The following GRIK2 variants were observed in gnomAD, a reference collection of about 807,000 sequenced individuals.
GRIK2 encodes glutamate receptor ionotropic, kainate 2.
A neutral mutation model predicts 100.3 loss-of-function variants in GRIK2; 32 were observed. That is an observed-to-expected ratio of 0.32 (90% CI 0.24 to 0.43). GRIK2 has a LOEUF of 0.43. GRIK2 is among the 20% of genes least tolerant of loss of function. GRIK2 has a pLI of 1.00. For synonymous variants in GRIK2, 417 were observed against 389.4 expected (o/e 1.07, Z -0.83); for missense variants, 843 against 1,114.9 (o/e 0.76, Z 3.47).
At chr6:101,513,945 G>A (rs1262706289) in intron 2 of GRIK2, among the ~76,000 whole-genome samples, 1 of 152,026 alleles carries the variant, frequency 6.6e-6, no homozygotes, top group Non-Finnish European at 1.5e-5. Context: ...TGATAAGGTA[G>A]AGATCAACAA....
chr6:101,974,766 G>A (rs1048308087), intron 14 of GRIK2, among the ~76,000 whole-genome samples: 2 of 151,950 alleles, frequency 1.3e-5, no homozygotes, highest in Non-Finnish European at 2.9e-5. Context: ...CTAGATTTGT[G>A]TTTGATTAAA....
intron 12 of GRIK2, among the ~76,000 whole-genome samples, chr6:101,915,998 T>G (rs1256616744): frequency 6.6e-6 from 1 of 151,434 alleles, no homozygotes. Flanking sequence ...TTTAAAGAGA[T>G]AACTTTTTCT....
At chr6:101,981,393 C>T (rs770900809) in intron 14 of GRIK2, among the ~76,000 whole-genome samples, 9 of 151,732 alleles carry the variant, frequency 5.9e-5, no homozygotes, top group Non-Finnish European at 1.2e-4. Flanking sequence ...AGGGATGTGG[C>T]AATTTAAAAG....
chr6:101,888,087 T>C (rs1314918999), intron 11 of GRIK2, among the ~76,000 whole-genome samples: 1 of 152,212 alleles, frequency 6.6e-6, no homozygotes, highest in Non-Finnish European at 1.5e-5. Context: ...TGAAAGACTG[T>C]AATCTATCAA....
intron 2 of GRIK2, among the ~76,000 whole-genome samples, chr6:101,417,221 G>A (rs1776191261): frequency 6.6e-6 from 1 of 152,146 alleles, no homozygotes; most frequent in African/African-American, 2.4e-5. Context: ...GGAAAAACAT[G>A]CCACCATGAT....
At position 102,067,122 on chromosome 6, in the gene GRIK2, G is replaced by A. The variant is rs1308334811; in HGVS notation, c.2563-1225G>A. Among the ~76,000 whole-genome samples, 3 of 151,458 alleles carry A rather than the reference G, an allele frequency of 2.0e-5. No individual in the cohort carries two copies. In the Admixed American group the frequency reaches 2.0e-4, roughly 10 times the overall value. Reference sequence around the variant, plus strand: ...CTGTTATGAAAACAATTTTTTAAATGTATTTTTAAGTTAACATATAAAATT... The same window carrying A: ...CTGTTATGAAAACAATTTTTTAAATATATTTTTAAGTTAACATATAAAATT... On this transcript the variant is annotated intron_variant, in intron 16 of 16. Coordinates refer to ENST00000369134, the MANE Select transcript of GRIK2 (RefSeq NM_021956.5).
intron 2 of GRIK2, among the ~76,000 whole-genome samples, chr6:101,531,394 C>T (rs572757819): frequency 9.4e-4 from 143 of 151,934 alleles, no homozygotes; most frequent in South Asian, 5.2e-3. Context: ...TGATTATAGG[C>T]GCTCAAAATT....
intron 2 of GRIK2, among the ~76,000 whole-genome samples, chr6:101,605,238 T>G (rs1450030798): frequency 6.6e-6 from 1 of 151,982 alleles, no homozygotes; most frequent in Non-Finnish European, 1.5e-5. Flanking sequence ...ACAAGTTACT[T>G]AATTTCTCTG....
intron 7 of GRIK2, among the ~76,000 whole-genome samples, chr6:101,732,790 C>T (rs1775366377): frequency 6.6e-6 from 1 of 152,064 alleles, no homozygotes; most frequent in African/African-American, 2.4e-5. Context: ...CCACCAGCCT[C>T]TGCTTGATCT....
chr6:101,468,568 A>C (rs964586039), intron 2 of GRIK2, among the ~76,000 whole-genome samples: 1 of 152,156 alleles, frequency 6.6e-6, no homozygotes, highest in Non-Finnish European at 1.5e-5. Flanking sequence ...AAGGACTTGT[A>C]AAATGTGGAT....
intron 2 of GRIK2, among the ~76,000 whole-genome samples, chr6:101,467,771 T>C (rs1771725381): frequency 6.6e-6 from 1 of 152,166 alleles, no homozygotes; most frequent in Non-Finnish European, 1.5e-5. Context: ...TACAAACTTA[T>C]GCTACACTTC....
intron 7 of GRIK2, among the ~76,000 whole-genome samples, chr6:101,702,174 C>T (rs1256295265): frequency 6.6e-6 from 1 of 151,942 alleles, no homozygotes; most frequent in Non-Finnish European, 1.5e-5. Context: ...TATGAAAACT[C>T]AAATGACTGC....
At chr6:101,785,158 A>AT (rs902302793) in intron 7 of GRIK2, among the ~76,000 whole-genome samples, 6 of 121,810 alleles carry the variant, frequency 4.9e-5, no homozygotes, top group Admixed American at 9.1e-5. Flanking sequence ...TTATTTATTT[A>AT]TTTTTTTTAC....
rs150107876 is a variant in GRIK2 at position 101,788,600 on chromosome 6, G to A, written c.952-11048G>A. On this transcript the variant is annotated intron_variant, in intron 7 of 16. Coordinates refer to ENST00000369134, the MANE Select transcript of GRIK2 (RefSeq NM_021956.5). ...GTATATGTGCCACATTTTCTTAATC[G>A]GGTCTATCATTGTTGGACATTTGGG... Among the ~76,000 whole-genome samples the A allele has an allele frequency of 4.1e-3, 618 of 151,984 alleles. 4 individuals are homozygous for A. The highest frequency in any genetic ancestry group is 0.014 in the African/African-American group (581 of 41,436).
chr6:101,919,805 G>A (rs1789376259), intron 12 of GRIK2, among the ~76,000 whole-genome samples: 1 of 151,738 alleles, frequency 6.6e-6, no homozygotes, highest in South Asian at 2.1e-4. Context: ...TGGTTAAAAA[G>A]TAGATTTGAG....
chr6:101,861,564 C>G (rs987646342), intron 11 of GRIK2, among the ~76,000 whole-genome samples: 1 of 152,058 alleles, frequency 6.6e-6, no homozygotes, highest in Non-Finnish European at 1.5e-5. Flanking sequence ...GTCAAATTCA[C>G]TGTTCGATCA....
At chr6:101,975,839 C>CTATCTATCTATCTATA (rs1269650216) in intron 14 of GRIK2, among the ~76,000 whole-genome samples, 1 of 151,836 alleles carries the variant, frequency 6.6e-6, no homozygotes, top group African/African-American at 2.4e-5. Context: ...ATCTATCTAT[C>CTATCTATCTATCTATA]TATCTATCCC....
At chr6:101,433,111 A>G (rs1316619566) in intron 2 of GRIK2, among the ~76,000 whole-genome samples, 1 of 152,144 alleles carries the variant, frequency 6.6e-6, no homozygotes, top group South Asian at 2.1e-4. Flanking sequence ...CCCAAGAGAA[A>G]ATCCCAGAAA....
intron 10 of GRIK2, among the ~76,000 whole-genome samples, chr6:101,836,613 ATATAGTTATATATATATATATATG>A: frequency 4.0e-5 from 5 of 125,500 alleles, no homozygotes; most frequent in Admixed American, 8.4e-5. Context: ...GTTGCTATAT[ATATAGTTATATATATATATATATG>A]TATGTGTATA....
Sources: allele counts gnomAD v4.1 joint callset (sites outside exome capture counted in the v4.1 genomes callset), GRCh38; gene constraint gnomAD v4.1.1; transcripts MANE v1.5; gene names NCBI Gene and HGNC (gene_info 2026-07-23, HGNC 2026-07-21).